SCRG1: variants seen among roughly 807,000 people sequenced by gnomAD.
SCRG1 encodes scrapie-responsive protein 1.
SCRG1 carries 3 observed loss-of-function variants against 7.7 expected under a neutral mutation model. The observed-to-expected ratio is 0.39, with a 90% CI of 0.18 to 1.01. SCRG1 has a LOEUF of 1.01. SCRG1 is among the 50% of genes least tolerant of loss of function. The pLI, the probability that SCRG1 is intolerant of heterozygous loss-of-function variation, is 0.36. For missense variants in SCRG1, 110 were observed against 117.2 expected, an observed-to-expected ratio of 0.94 and a Z score of 0.28; for synonymous variants, 46 against 41.2, an observed-to-expected ratio of 1.12 and a Z score of -0.44.
At chr4:173,501,734 G>C in the SCRG1 span, among the ~76,000 whole-genome samples, 1 of 152,174 alleles carries the variant, frequency 6.6e-6, no homozygotes, top group Non-Finnish European at 1.5e-5. This position sits in a 1 kb window ranked among gnomAD's most constrained non-coding sequence, Gnocchi z 5.1. Context: ...GGGTTATCTA[G>C]GAGAATTCAG....
At chr4:173,394,789 A>G (rs946714754) in intron 1 of SCRG1, among the ~76,000 whole-genome samples, 1 of 152,226 alleles carries the variant, frequency 6.6e-6, no homozygotes, top group East Asian at 1.9e-4. Flanking sequence ...TTGTGTATCC[A>G]TAAACATATT....
At chr4:173,422,438 AC>A in the SCRG1 span, among the ~76,000 whole-genome samples, 1 of 152,170 alleles carries the variant, frequency 6.6e-6, no homozygotes, top group Non-Finnish European at 1.5e-5. Flanking sequence ...TTATAGAGTG[AC>A]TTCTATATTC....
the SCRG1 span, among the ~76,000 whole-genome samples, chr4:173,475,709 T>G: frequency 1.3e-5 from 2 of 152,116 alleles, no homozygotes; most frequent in African/African-American, 4.8e-5. Flanking sequence ...AATCATTGGA[T>G]GAAAGGATAA....
At chr4:173,409,318 A>G (rs1422050982), upstream of SCRG1, among the ~76,000 whole-genome samples, 1 of 151,992 alleles carries the variant, frequency 6.6e-6, no homozygotes, top group Non-Finnish European at 1.5e-5. Flanking sequence ...TCTTCCTTCT[A>G]CCTCTTTTTT....
chr4:173,515,777 A>T, the SCRG1 span, among the ~76,000 whole-genome samples: 1 of 152,116 alleles, frequency 6.6e-6, no homozygotes, highest in Non-Finnish European at 1.5e-5. The surrounding 1 kb of genome is among the most constrained non-coding windows in gnomAD (Gnocchi z 4.6). Context: ...CGTGGGTTCC[A>T]CTGAGGCTCC....
the SCRG1 span, among the ~76,000 whole-genome samples, chr4:173,483,201 ATATGATATAT>A: frequency 1.2e-5 from 1 of 80,662 alleles, no homozygotes; most frequent in Non-Finnish European, 2.4e-5. Flanking sequence ...GATATATATT[ATATGATATAT>A]CATATAATAT....
the SCRG1 span, among the ~76,000 whole-genome samples, chr4:173,453,876 AGAC>A: frequency 6.6e-6 from 1 of 152,132 alleles, no homozygotes; most frequent in African/African-American, 2.4e-5. Flanking sequence ...CAGGAGTTCG[AGAC>A]CAGCCTGGCC....
chr4:173,484,430 TATATAC>T, the SCRG1 span, among the ~76,000 whole-genome samples: 13 of 68,016 alleles, frequency 1.9e-4, no homozygotes, highest in Admixed American at 1.6e-3. Flanking sequence ...TATTATATAT[TATATAC>T]ATATGATATA....
rs1393072804 is a variant in SCRG1, at chr4:173,385,576, T to C, written c.*2765A>G. 1.3e-5 allele frequency: 2 copies of C among 152,186 alleles called. No individual in the cohort carries two copies. The highest frequency in any genetic ancestry group is 2.9e-5 in the Non-Finnish European group (2 of 68,028). 9.4% of individuals were successfully genotyped at this position (152,186 alleles called of 1,614,324 possible). On this transcript the variant is annotated 3_prime_UTR_variant, in exon 3 of 3. Transcript: ENST00000296506. ...GTATGTTTTTACATTTATTTTGTAA[T>C]ATAAAGAAGGCTGTGTACTTGTATA...
At chr4:173,518,203 TG>T in the SCRG1 span, among the ~76,000 whole-genome samples, 1 of 152,024 alleles carries the variant, frequency 6.6e-6, no homozygotes, top group Non-Finnish European at 1.5e-5. Flanking sequence ...CAGGAATGGG[TG>T]GGGCCTGGAA....
At chr4:173,442,290 G>A in the SCRG1 span, among the ~76,000 whole-genome samples, 2 of 152,170 alleles carry the variant, frequency 1.3e-5, no homozygotes, top group Non-Finnish European at 2.9e-5. Flanking sequence ...GAGTGAAGAC[G>A]TGCAACTTCC....
chr4:173,451,858 G>A, the SCRG1 span, among the ~76,000 whole-genome samples: 3 of 151,942 alleles, frequency 2.0e-5, no homozygotes, highest in East Asian at 3.9e-4. Flanking sequence ...TTGTTGAGTC[G>A]AAGTAATACC....
chr4:173,513,031 A>C, the SCRG1 span, among the ~76,000 whole-genome samples: 1 of 152,192 alleles, frequency 6.6e-6, no homozygotes, highest in Non-Finnish European at 1.5e-5. Flanking sequence ...TATAACCCAT[A>C]TGAACCATCT....
At chr4:173,516,932 G>T in the SCRG1 span, among the ~76,000 whole-genome samples, 1 of 152,236 alleles carries the variant, frequency 6.6e-6, no homozygotes, top group Non-Finnish European at 1.5e-5. Context: ...TAAGGTGCTA[G>T]AAAGGAAACG....
chr4:173,485,539 A>C, the SCRG1 span, among the ~76,000 whole-genome samples: 1 of 152,076 alleles, frequency 6.6e-6, no homozygotes, highest in Non-Finnish European at 1.5e-5. Flanking sequence ...ATTACGAGCA[A>C]TTTAATGGTA....
At chr4:173,468,186 C>A in the SCRG1 span, 1 of 152,388 alleles carries the variant, frequency 6.6e-6, no homozygotes. Flanking sequence ...TGTATCTTTT[C>A]TATGTTTAGA....
the SCRG1 span, among the ~76,000 whole-genome samples, chr4:173,418,890 T>G: frequency 2.0e-5 from 3 of 152,202 alleles, no homozygotes; most frequent in African/African-American, 7.2e-5. Flanking sequence ...CTGCCATGGT[T>G]GTAAGTTTCC....
chr4:173,503,099 G>A, the SCRG1 span, among the ~76,000 whole-genome samples: 1 of 152,138 alleles, frequency 6.6e-6, no homozygotes, highest in Non-Finnish European at 1.5e-5. The surrounding 1 kb of genome is among the most constrained non-coding windows in gnomAD (Gnocchi z 6.4). Flanking sequence ...AGGTCCCTGG[G>A]TACGTCCCAG....
chr4:173,482,928 A>G, the SCRG1 span, among the ~76,000 whole-genome samples: 1 of 137,710 alleles, frequency 7.3e-6, no homozygotes, highest in African/African-American at 2.7e-5. Context: ...TACATATAAT[A>G]TATTATATAT....
Sources: allele counts gnomAD v4.1 joint callset (sites outside exome capture counted in the v4.1 genomes callset), GRCh38; gene constraint gnomAD v4.1.1; non-coding constraint Gnocchi (gnomAD v3.1); transcripts MANE v1.5; gene names NCBI Gene and HGNC (gene_info 2026-07-23, HGNC 2026-07-21).